Variants in GABRA3 observed in about 807,000 individuals in gnomAD.
GABRA3 encodes gamma-aminobutyric acid receptor subunit alpha-3.
A neutral mutation model predicts 30.1 loss-of-function variants in GABRA3; 10 were observed. The ratio of observed to expected loss-of-function variants is 0.33; its 90% CI spans 0.20 to 0.56. GABRA3 has a LOEUF of 0.56. Among genes scored for constraint, GABRA3 ranks in the 20% least tolerant of loss-of-function variants. GABRA3 has a pLI of 0.89. For synonymous variants in GABRA3, 151 were observed against 146.8 expected (o/e 1.03, Z -0.21); for missense variants, 233 against 392.0 (o/e 0.59, Z 3.42).
intron 1 of GABRA3, among the ~76,000 whole-genome samples, chrX:152,436,298 G>A (rs1930775100): frequency 8.9e-6 from 1 of 111,964 alleles, no homozygotes; most frequent in Non-Finnish European, 1.9e-5. Flanking sequence ...CAAGATTTAC[G>A]AAAATGCTAT....
At chrX:152,242,239 G>A (rs1213276942) in intron 5 of GABRA3, among the ~76,000 whole-genome samples, 1 of 111,078 alleles carries the variant, frequency 9.0e-6, no homozygotes, top group African/African-American at 3.3e-5. Flanking sequence ...ACAGAAGAAT[G>A]AAATTGGACC....
chrX:152,448,403 T>G (rs1569427066), intron 1 of GABRA3, among the ~76,000 whole-genome samples: 1 of 112,248 alleles, frequency 8.9e-6, no homozygotes, highest in Non-Finnish European at 1.9e-5. Flanking sequence ...ATAGAGAATT[T>G]CAGAGTTGAA....
intron 1 of GABRA3, among the ~76,000 whole-genome samples, chrX:152,386,619 A>G (rs1027371214): frequency 3.7e-5 from 4 of 107,370 alleles, no homozygotes; most frequent in African/African-American, 1.4e-4. Context: ...ACCAGTTAGA[A>G]TGGCGATCAT....
chrX:152,345,079 T>C (rs1344065177), intron 3 of GABRA3, among the ~76,000 whole-genome samples: 1 of 111,547 alleles, frequency 9.0e-6, no homozygotes, highest in Non-Finnish European at 1.9e-5. Flanking sequence ...CAGGCTGATA[T>C]ATGCTCAGGG....
At chrX:152,174,392 T>C (rs1283409755) in intron 9 of GABRA3, among the ~76,000 whole-genome samples, 2 of 112,068 alleles carry the variant, frequency 1.8e-5, no homozygotes, top group African/African-American at 6.5e-5. Context: ...GTTGAACTAG[T>C]TTATAGTCCC....
At chrX:152,360,810 C>T (rs1928479480) in intron 2 of GABRA3, among the ~76,000 whole-genome samples, 1 of 99,492 alleles carries the variant, frequency 1.0e-5, no homozygotes, top group Non-Finnish European at 2.0e-5. Context: ...TGGTGGCCCA[C>T]ACCTGTAATA....
At chrX:152,406,446 T>A (rs1929937867) in intron 1 of GABRA3, among the ~76,000 whole-genome samples, 1 of 105,390 alleles carries the variant, frequency 9.5e-6, no homozygotes, top group Non-Finnish European at 2.0e-5. Context: ...TTATATCAGA[T>A]AAAATAGATT....
chrX:152,239,727 T>G (rs1361490455), intron 5 of GABRA3, among the ~76,000 whole-genome samples: 21 of 100,877 alleles, frequency 2.1e-4, no homozygotes, highest in Non-Finnish European at 3.7e-4. Context: ...CTTGTTGAAT[T>G]GATCCCTTTA....
chrX:152,362,960 A>G (rs1377511189), intron 2 of GABRA3, among the ~76,000 whole-genome samples: 1 of 112,060 alleles, frequency 8.9e-6, no homozygotes, highest in African/African-American at 3.2e-5. Context: ...TACATTGGAC[A>G]TGCTTAGTTT....
intron 3 of GABRA3, among the ~76,000 whole-genome samples, chrX:152,323,222 T>G (rs745791996): frequency 9.0e-6 from 1 of 111,387 alleles, no homozygotes; most frequent in East Asian, 2.8e-4. Context: ...TTCTTTGGAG[T>G]GGGATATCAT....
At chrX:152,351,117 C>G (rs763416942) in intron 2 of GABRA3, among the ~76,000 whole-genome samples, 2 of 111,604 alleles carry the variant, frequency 1.8e-5, no homozygotes, top group African/African-American at 6.5e-5. Flanking sequence ...TCTTAAGGGT[C>G]CTAGGATTTT....
At chrX:152,337,931 C>G (rs1185310330) in intron 3 of GABRA3, among the ~76,000 whole-genome samples, 1 of 112,510 alleles carries the variant, frequency 8.9e-6, no homozygotes, top group Non-Finnish European at 1.9e-5. Context: ...TTTATCCATT[C>G]ATCTGTTAAT....
Position 152,382,103 on chromosome X carries a change from C to T in GABRA3, c.-26-17507G>A, listed in dbSNP as rs749622345. Among the ~76,000 whole-genome samples, 435 of 111,685 alleles carry T rather than the reference C, an allele frequency of 3.9e-3. 2 individuals are homozygous for T. The highest frequency in any genetic ancestry group is 6.1e-3 in the Non-Finnish European group (324 of 53,124). On this transcript the variant is annotated intron_variant, in intron 1 of 9. Transcript: ENST00000370314. Reference sequence around the variant, plus strand: ...ACAAGAAAAAAACAAATAACCCCATCAAAAAGTGGGCAAAGGATATTAACA... The same window carrying T: ...ACAAGAAAAAAACAAATAACCCCATTAAAAAGTGGGCAAAGGATATTAACA...
intron 9 of GABRA3, among the ~76,000 whole-genome samples, chrX:152,173,250 G>T (rs1937027459): frequency 9.2e-6 from 1 of 109,000 alleles, no homozygotes; most frequent in South Asian, 4.1e-4. Flanking sequence ...TGGGGGGGTG[G>T]GGGTTATCTA....
chrX:152,333,103 C>T (rs1460266222), intron 3 of GABRA3, among the ~76,000 whole-genome samples: 2 of 111,431 alleles, frequency 1.8e-5, no homozygotes, highest in African/African-American at 6.5e-5. Flanking sequence ...TGCTTAGAGG[C>T]GAAAGATCTG....
chrX:152,303,187 C>T (rs1939661954), intron 3 of GABRA3, among the ~76,000 whole-genome samples: 2 of 112,289 alleles, frequency 1.8e-5, no homozygotes, highest in Admixed American at 9.4e-5. Flanking sequence ...AATTTGCATT[C>T]CCACCAACAG....
At chrX:152,414,193 T>G (rs899238775) in intron 1 of GABRA3, among the ~76,000 whole-genome samples, 4 of 111,194 alleles carry the variant, frequency 3.6e-5, no homozygotes, top group African/African-American at 1.3e-4. Flanking sequence ...CACACCACCT[T>G]TATTTTTAAT....
intron 9 of GABRA3, among the ~76,000 whole-genome samples, chrX:152,188,640 A>G (rs964544105): frequency 8.9e-6 from 1 of 112,140 alleles, no homozygotes; most frequent in African/African-American, 3.2e-5. Context: ...TTAAGGAAGT[A>G]GAACTACACT....
chrX:152,175,426 G>A (rs904207025), intron 9 of GABRA3, among the ~76,000 whole-genome samples: 1 of 111,341 alleles, frequency 9.0e-6, no homozygotes, highest in Non-Finnish European at 1.9e-5. Context: ...AATGTGACAG[G>A]TTCTGTGCTA....
Sources: allele counts gnomAD v4.1 joint callset (sites outside exome capture counted in the v4.1 genomes callset), GRCh38; gene constraint gnomAD v4.1.1; transcripts MANE v1.5; gene names NCBI Gene and HGNC (gene_info 2026-07-23, HGNC 2026-07-21).